Variants in SLC4A4 observed in about 807,000 individuals in gnomAD.
SLC4A4 encodes the protein electrogenic sodium bicarbonate cotransporter 1.
SLC4A4 carries 27 observed loss-of-function variants against 111.5 expected under a neutral mutation model. The observed-to-expected ratio is 0.24, with a 90% CI of 0.18 to 0.33. SLC4A4 has a LOEUF of 0.33. Ranked by LOEUF, SLC4A4 falls within the 10% of genes least tolerant of loss-of-function variation. The pLI is 1.00. For synonymous variants in SLC4A4, 443 were observed against 463.4 expected, an observed-to-expected ratio of 0.96 and a Z score of 0.57; for missense variants, 909 against 1,315.5, an observed-to-expected ratio of 0.69 and a Z score of 4.78.
intron 13 of SLC4A4, 131 bp from the exon 14 acceptor site, chr4:71,472,568 A>G: frequency 1.2e-6 from 1 of 864,678 alleles, no homozygotes; most frequent in South Asian, 1.6e-5. Context: ...TGGCTAAAGT[A>G]GAGTTTCACA....
chr4:71,467,945 A>G (rs374885506), intron 13 of SLC4A4, among the ~76,000 whole-genome samples: 5 of 152,156 alleles, frequency 3.3e-5, no homozygotes, highest in East Asian at 3.9e-4. Context: ...CATTACCTTC[A>G]TAGTACATCA....
intron 2 of SLC4A4, among the ~76,000 whole-genome samples, chr4:71,131,537 C>G (rs929113955): frequency 2.0e-5 from 3 of 152,162 alleles, no homozygotes; most frequent in African/African-American, 7.2e-5. Flanking sequence ...TCAGAATAAG[C>G]AGCATTGTGC....
At chr4:71,109,110 A>T (rs1334473872) in intron 2 of SLC4A4, among the ~76,000 whole-genome samples, 1 of 152,072 alleles carries the variant, frequency 6.6e-6, no homozygotes, top group African/African-American at 2.4e-5. Flanking sequence ...TGTCTCTGAA[A>T]ATCAGATTCT....
intron 1 of SLC4A4, among the ~76,000 whole-genome samples, chr4:71,065,367 A>T (rs560330678): frequency 1.1e-4 from 16 of 140,804 alleles, no homozygotes; most frequent in African/African-American, 3.9e-4. Context: ...GAGTATCACC[A>T]GACTGAAATA....
intron 6 of SLC4A4, among the ~76,000 whole-genome samples, chr4:71,388,522 CTATTA>C (rs141398668): frequency 3.3e-5 from 5 of 151,732 alleles, no homozygotes; most frequent in South Asian, 2.1e-4. Flanking sequence ...ATGAAGCTAC[CTATTA>C]TATTATATTC....
chr4:71,181,617 T>C (rs1560763279), intron 2 of SLC4A4, among the ~76,000 whole-genome samples: 1 of 152,224 alleles, frequency 6.6e-6, no homozygotes, highest in Non-Finnish European at 1.5e-5. Flanking sequence ...TAAGCTTCTC[T>C]ATTTTTAATG....
intron 1 of SLC4A4, among the ~76,000 whole-genome samples, chr4:71,090,393 A>C (rs1742351845): frequency 6.6e-6 from 1 of 152,098 alleles, no homozygotes; most frequent in African/African-American, 2.4e-5. Flanking sequence ...GGTGCACTGC[A>C]CCCACTGTCC....
intron 2 of SLC4A4, among the ~76,000 whole-genome samples, chr4:71,131,970 C>T (rs943651847): frequency 6.6e-6 from 1 of 152,126 alleles, no homozygotes. Flanking sequence ...CATAATGTCT[C>T]TGAATCTACT....
At chr4:71,230,916 C>T (rs918977020) in intron 1 of SLC4A4, among the ~76,000 whole-genome samples, 1 of 152,194 alleles carries the variant, frequency 6.6e-6, no homozygotes, top group Non-Finnish European at 1.5e-5. Context: ...AGCTGCAATC[C>T]TGGGTGGCAG....
intron 24 of SLC4A4, among the ~76,000 whole-genome samples, chr4:71,564,232 ACT>A (rs1737266107): frequency 1.4e-5 from 1 of 73,390 alleles, no homozygotes; most frequent in Non-Finnish European, 3.7e-5. Context: ...CATCACTGTC[ACT>A]GTTTGTCTTC....
At chr4:71,338,080 G>A (rs1257878504) in intron 3 of SLC4A4, among the ~76,000 whole-genome samples, 4 of 151,842 alleles carry the variant, frequency 2.6e-5, no homozygotes, top group Non-Finnish European at 5.9e-5. Context: ...TGATCCACCC[G>A]CCTCGGCCTC....
intron 2 of SLC4A4, among the ~76,000 whole-genome samples, chr4:71,159,136 G>C (rs561610623): frequency 3.0e-4 from 45 of 152,278 alleles, no homozygotes; most frequent in African/African-American, 1.1e-3. Flanking sequence ...TCTATATCTA[G>C]ATAATGAAAA....
intron 14 of SLC4A4, among the ~76,000 whole-genome samples, chr4:71,482,461 A>G (rs1728970545): frequency 6.6e-6 from 1 of 151,616 alleles, no homozygotes. Flanking sequence ...AGCAGCTACT[A>G]AAAGTTCAGA....
At chr4:71,410,935 A>G (rs1437460371) in intron 7 of SLC4A4, among the ~76,000 whole-genome samples, 3 of 152,096 alleles carry the variant, frequency 2.0e-5, no homozygotes, top group Non-Finnish European at 4.4e-5. Context: ...GATACAAACT[A>G]TTGTGATTTT....
At chr4:71,199,072 T>G (rs1345626653) in intron 1 of SLC4A4, among the ~76,000 whole-genome samples, 1 of 152,240 alleles carries the variant, frequency 6.6e-6, no homozygotes, top group Admixed American at 6.5e-5. Context: ...AGGATTATCC[T>G]CTTTTCACAG....
In SLC4A4 at chr4:71,412,908, T is replaced by C. The variant is rs1721489168; in HGVS notation, c.807+15255T>C. Reference sequence around the variant, plus strand: ...TAAAGACTTTGTGATTTATAGGAATTCAAAAATAAGAAGCCGACTTTGGGC... The same window carrying C: ...TAAAGACTTTGTGATTTATAGGAATCCAAAAATAAGAAGCCGACTTTGGGC... On this transcript the variant is annotated intron_variant, in intron 7 of 25. Coordinates refer to ENST00000264485, the MANE Select transcript of SLC4A4 (RefSeq NM_001098484.3). 2.0e-5 allele frequency among the ~76,000 whole-genome samples: 3 copies of C among 152,182 alleles called. No individual in the cohort carries two copies. In the South Asian group the frequency reaches 6.2e-4, roughly 32 times the overall value.
chr4:71,459,124 T>G (rs530754479), intron 12 of SLC4A4, among the ~76,000 whole-genome samples: 1 of 152,156 alleles, frequency 6.6e-6, no homozygotes, highest in East Asian at 1.9e-4. Context: ...TAAATCCTGT[T>G]TGATTGAGGT....
intron 16 of SLC4A4, among the ~76,000 whole-genome samples, chr4:71,521,397 T>A (rs954391351): frequency 6.6e-6 from 1 of 151,826 alleles, no homozygotes; most frequent in Admixed American, 6.6e-5. Flanking sequence ...GCCTGGAAAA[T>A]TTTTTATTTT....
chr4:71,063,030 A>G (rs1202340201), intron 1 of SLC4A4, among the ~76,000 whole-genome samples: 2 of 152,214 alleles, frequency 1.3e-5, no homozygotes, highest in African/African-American at 4.8e-5. Context: ...AGATCCTTGG[A>G]AAAGAAAGAG....
Sources: allele counts gnomAD v4.1 joint callset (sites outside exome capture counted in the v4.1 genomes callset), GRCh38; gene constraint gnomAD v4.1.1; transcripts MANE v1.5; gene names NCBI Gene and HGNC (gene_info 2026-07-23, HGNC 2026-07-21).